The following RALGAPA1 variants were observed in gnomAD, a reference collection of about 807,000 sequenced individuals.
RALGAPA1 encodes the protein ral GTPase-activating protein subunit alpha-1.
RALGAPA1 carries 52 observed loss-of-function variants against 269.6 expected under a neutral mutation model. That is an observed-to-expected ratio of 0.19 (90% CI 0.15 to 0.24). RALGAPA1 has a LOEUF of 0.24. Among genes scored for constraint, RALGAPA1 ranks in the 10% least tolerant of loss-of-function variants. RALGAPA1 has a pLI of 1.00. For synonymous variants in RALGAPA1, 817 were observed against 1,008.3 expected (o/e 0.81, Z 3.60); for missense variants, 1,917 against 3,013.9 (o/e 0.64, Z 8.52).
At chr14:35,571,384 T>G (rs948921130) in intron 38 of RALGAPA1, among the ~76,000 whole-genome samples, 2 of 133,462 alleles carry the variant, frequency 1.5e-5, no homozygotes, top group East Asian at 5.1e-4. Flanking sequence ...TCAATTTTTT[T>G]TTTTTTTAAT....
At chr14:35,666,827 C>A (rs998170569) in intron 26 of RALGAPA1, among the ~76,000 whole-genome samples, 1 of 152,084 alleles carries the variant, frequency 6.6e-6, no homozygotes. Flanking sequence ...AAAAAAGCTG[C>A]AGGAAATGTG....
At chr14:35,567,243 C>G (rs1248515404) in intron 39 of RALGAPA1, among the ~76,000 whole-genome samples, 2 of 152,060 alleles carry the variant, frequency 1.3e-5, no homozygotes, top group Non-Finnish European at 2.9e-5. Context: ...CTATTAAAAA[C>G]ATGATGAAGT....
At chr14:35,758,168 T>C (rs2073357377) in intron 6 of RALGAPA1, among the ~76,000 whole-genome samples, 2 of 133,106 alleles carry the variant, frequency 1.5e-5, no homozygotes, top group Admixed American at 9.3e-5. Context: ...TCGCTTGAAC[T>C]GGGTGGTGGA....
chr14:35,570,585 G>C, intron 39 of RALGAPA1, 32 bp downstream of exon 39: 1 of 1,556,356 alleles, frequency 6.4e-7, no homozygotes. Flanking sequence ...ACATACGTTA[G>C]AGTAGAAACC....
chr14:35,745,422 G>GACAGAC (rs1555426002), intron 10 of RALGAPA1, among the ~76,000 whole-genome samples: 10 of 146,788 alleles, frequency 6.8e-5, no homozygotes, highest in South Asian at 4.4e-4. Context: ...CACACAGACA[G>GACAGAC]ACACACACAC....
chr14:35,645,678 C>T (rs1045766398), intron 31 of RALGAPA1, among the ~76,000 whole-genome samples: 9 of 148,352 alleles, frequency 6.1e-5, no homozygotes, highest in African/African-American at 1.5e-4. Flanking sequence ...TGCAGTGAGC[C>T]GAGATCGCGC....
At chr14:35,630,490 C>G (rs568090880) in intron 33 of RALGAPA1, among the ~76,000 whole-genome samples, 179 of 152,322 alleles carry the variant, frequency 1.2e-3, no homozygotes, top group Non-Finnish European at 2.3e-3. Context: ...CCATGTTGGT[C>G]AGGCTGGTCT....
At chr14:35,675,735 A>T (rs2064882202) in intron 22 of RALGAPA1, among the ~76,000 whole-genome samples, 1 of 152,234 alleles carries the variant, frequency 6.6e-6, no homozygotes. Flanking sequence ...TACTCAATGT[A>T]TATAATGGAA....
Position 35,570,046 on chromosome 14 carries a change from G to T in RALGAPA1, c.7496+571C>A, listed in dbSNP as rs572934956. Among the ~76,000 whole-genome samples, 4 of 152,050 alleles carry T rather than the reference G, an allele frequency of 2.6e-5. No individual in the cohort carries two copies. The East Asian group carries it at 7.8e-4, about 30-fold the overall frequency. On this transcript the variant is annotated intron_variant, in intron 39 of 41. Coordinates refer to ENST00000680220, the MANE Select transcript of RALGAPA1 (RefSeq NM_001346249.2). ...GCACTTTGGGAGGCCGAGGCGGGCG[G>T]ATCACCCGAGGTCAGGAGTTCGAGA...
intron 1 of RALGAPA1, among the ~76,000 whole-genome samples, chr14:35,780,938 A>T (rs1237845790): frequency 3.3e-5 from 5 of 152,210 alleles, no homozygotes; most frequent in Admixed American, 6.5e-5. Flanking sequence ...CAAAGAAATT[A>T]AAAATAGCCA....
chr14:35,757,065 T>C (rs1386087670), intron 6 of RALGAPA1, among the ~76,000 whole-genome samples, 157 bp from the exon 7 acceptor site: 5 of 151,554 alleles, frequency 3.3e-5, no homozygotes, highest in Non-Finnish European at 7.4e-5. Flanking sequence ...AGATCATCCC[T>C]GATAGTTGAT....
chr14:35,797,369 G>C (rs1240644784), intron 1 of RALGAPA1, among the ~76,000 whole-genome samples: 1 of 100,108 alleles, frequency 1.0e-5, no homozygotes, highest in South Asian at 3.5e-4. Context: ...AAAAAAAAAA[G>C]ATGCCAAAGT....
intron 31 of RALGAPA1, among the ~76,000 whole-genome samples, chr14:35,638,034 A>T (rs910082542): frequency 6.6e-6 from 1 of 152,268 alleles, no homozygotes; most frequent in Non-Finnish European, 1.5e-5. Flanking sequence ...GAGGGATTTC[A>T]TCAACACCAA....
At chr14:35,708,090 T>C (rs2067966494) in intron 16 of RALGAPA1, among the ~76,000 whole-genome samples, 1 of 152,154 alleles carries the variant, frequency 6.6e-6, no homozygotes, top group African/African-American at 2.4e-5. Flanking sequence ...GATCCCTTTC[T>C]CCATATAGAG....
At chr14:35,673,552 C>A (rs28479649) in intron 24 of RALGAPA1, among the ~76,000 whole-genome samples, 2 of 152,002 alleles carry the variant, frequency 1.3e-5, no homozygotes, top group African/African-American at 4.8e-5. Context: ...TGAGTGAGGC[C>A]CTGTCTTTTA....
At chr14:35,679,954 T>TA (rs1217007850) in intron 21 of RALGAPA1, among the ~76,000 whole-genome samples, 1 of 152,114 alleles carries the variant, frequency 6.6e-6, no homozygotes, top group East Asian at 1.9e-4. Context: ...AGATTTGGAG[T>TA]AAATTCATAT....
At chr14:35,553,911 A>T (rs1260481828) in intron 39 of RALGAPA1, among the ~76,000 whole-genome samples, 1 of 151,678 alleles carries the variant, frequency 6.6e-6, no homozygotes, top group Admixed American at 6.6e-5. Flanking sequence ...CCCATTCTGA[A>T]ATTCTTAATT....
Position 35,688,972 on chromosome 14 carries a change from G to C in RALGAPA1, c.3439C>G (p.Arg1147Gly), listed in dbSNP as rs1356390657. 8.1e-7 allele frequency: 1 copy of C among 1,235,192 alleles called. No individual in the cohort carries two copies. Among genetic ancestry groups the C allele is most frequent in the Non-Finnish European group, 1.0e-6 (1 of 989,910 alleles). 76.5% of individuals were successfully genotyped at this position (1,235,192 alleles called of 1,614,324 possible). The change falls in exon 18 of 42, where the codon CGA becomes GGA. Residue 1147 changes from arginine (R) to glycine (G), a missense_variant. This residue lies in a region of RALGAPA1 where 615 missense variants were observed against 790.0 expected (regional missense o/e 0.78). Transcript: ENST00000680220. ...CTAAAAGTAACATGAACACTATTTC[G>C]TTTTTTAGTAGCAATTTTCATGATT... ...AKIMKIATKK[R>G]NSVHVTFRPS...
chr14:35,686,612 C>T lies in RALGAPA1; in HGVS notation c.4007G>A (p.Gly1336Asp), dbSNP rs151076975. ...CAGATCAGGAACATTAGCACTGCTGCCGCCAATATCACTATTAAGAGGAGG... is the reference window on the plus strand; with the variant it reads ...CAGATCAGGAACATTAGCACTGCTGTCGCCAATATCACTATTAAGAGGAGG... Reference protein sequence around the residue: ...KLPPLNSDIGGSSANVPDLMD... With the variant: ...KLPPLNSDIGDSSANVPDLMD... Residue 1336 changes from glycine to aspartate, a missense_variant, in exon 19 of 42, where the codon GGC (glycine) becomes GAC (aspartate). Physicochemically the swap from Gly to Asp is moderately conservative, Grantham distance 94. Coordinates refer to ENST00000680220, the MANE Select transcript of RALGAPA1 (RefSeq NM_001346249.2). 3.1e-6 allele frequency: 5 copies of T among 1,608,070 alleles called. No individual in the cohort carries two copies. The highest frequency in any genetic ancestry group is 4.2e-6 in the Non-Finnish European group (5 of 1,176,638).
Sources: allele counts gnomAD v4.1 joint callset (sites outside exome capture counted in the v4.1 genomes callset), GRCh38; gene constraint gnomAD v4.1.1; regional missense constraint gnomAD v4.1.1; transcripts MANE v1.5; gene names NCBI Gene and HGNC (gene_info 2026-07-23, HGNC 2026-07-21).